CBY1: variants seen among roughly 807,000 people sequenced by gnomAD.
CBY1 encodes the protein chibby 1, beta catenin antagonist, also known as protein chibby homolog 1.
Under a neutral mutation model 15.6 loss-of-function variants are expected in CBY1, and 10 were observed. The ratio of observed to expected loss-of-function variants is 0.64; its 90% CI spans 0.40 to 1.09. The LOEUF is 1.09. CBY1 is among the 50% of genes least tolerant of loss of function. CBY1 has a pLI of 0.01. For missense variants in CBY1, 150 were observed against 160.5 expected (o/e 0.93, Z 0.35); for synonymous variants, 61 against 63.5 (o/e 0.96, Z 0.19).
Position 38,672,621 on chromosome 22 carries a change from G to GT in CBY1, c.304-529dup, listed in dbSNP as rs200268940. ...ATGAGCCACCACGCCCGGCCTGGAT[G>GT]TTTTTTTTTAAAAATGAGCATAATC... On this transcript the variant is annotated intron_variant, in intron 4 of 4. Transcript: ENST00000216029. Among the ~76,000 whole-genome samples, 1,469 of 151,564 alleles carry GT rather than the reference G, an allele frequency of 9.7e-3. 31 individuals are homozygous for GT. The highest frequency in any genetic ancestry group is 0.034 in the African/African-American group (1,416 of 41,314).
intron 2 of CBY1, chr22:38,668,835 G>C (rs545992320): frequency 6.6e-6 from 1 of 152,530 alleles, no homozygotes; most frequent in Non-Finnish European, 1.5e-5. Context: ...GTTGTCTCCT[G>C]TTCCCAGTGA....
At chr22:38,666,142 AG>A (rs1349752334) in intron 1 of CBY1, among the ~76,000 whole-genome samples, 1 of 149,292 alleles carries the variant, frequency 6.7e-6, no homozygotes, top group Non-Finnish European at 1.5e-5. Context: ...CTGGCCCTGG[AG>A]GGTGGTTATA....
Position 38,671,140 on chromosome 22 carries a change from G to A in CBY1, c.255G>A (p.Glu85=). The A allele has an allele frequency of 1.9e-6, 3 of 1,614,214 alleles. No individual in the cohort carries two copies. The highest frequency in any genetic ancestry group is 1.7e-5 in the Admixed American group (1 of 60,020). The change falls in exon 4 of 5, where the codon GAG becomes GAA. Residue 85 remains glutamate (E), a synonymous_variant. Coordinates refer to ENST00000216029, the MANE Select transcript of CBY1 (RefSeq NM_015373.4). ...TTCGCAGGCGGAACCAGCAGTTGGA[G>A]GAAGAGAACAATCTCTTGCGGCTGA... ...QRLRRRNQQL[E]EENNLLRLKV...
intron 4 of CBY1, 137 bp from the exon 5 acceptor site, chr22:38,673,022 A>C: frequency 1.6e-6 from 1 of 610,950 alleles, no homozygotes; most frequent in South Asian, 1.7e-5. Flanking sequence ...CCAGTTACAG[A>C]GGGTTTCCCA....
At chr22:38,656,847 T>G (rs2092398375) in intron 1 of CBY1, 97 bp downstream of exon 1, 1 of 152,092 alleles carries the variant, frequency 6.6e-6, no homozygotes, top group Non-Finnish European at 1.5e-5. Flanking sequence ...GGAGAGAGGC[T>G]TCAGGAGGGC....
rs1440530453 is a variant in CBY1, at chr22:38,673,185, C to T, written c.330C>T (p.His110=). The T allele has an allele frequency of 5.3e-5, 85 of 1,612,488 alleles. No homozygotes were observed. Among genetic ancestry groups the T allele is most frequent in the Non-Finnish European group, 7.1e-5 (84 of 1,178,734 alleles). Residue 110 remains histidine (H), a synonymous_variant, in exon 5 of 5, where the codon CAC becomes CAT. Coordinates refer to ENST00000216029, the MANE Select transcript of CBY1 (RefSeq NM_015373.4). The part of the protein sequence containing the change: ...DMLSESTAES[H]LMEKELDELR... The stretch of plus-strand genomic sequence containing the variant: ...TTTCAGAGTCCACTGCTGAATCCCA[C>T]TTAATGGAGAAGGAACTGGATGAAC...
At chr22:38,673,104 C>A in intron 4 of CBY1, 55 bp from the exon 5 acceptor site, 2 of 1,346,556 alleles carry the variant, frequency 1.5e-6, no homozygotes, top group South Asian at 1.2e-5. Flanking sequence ...CCTTGCTAAC[C>A]CGAAACATTT....
rs556327647 is a variant in CBY1, at chr22:38,670,876, G to A, written c.79-8G>A. The A allele has an allele frequency of 9.5e-5, 153 of 1,608,776 alleles. 1 individual carries two copies. In the South Asian group the frequency reaches 1.5e-3, roughly 16 times the overall value. ...TGCTGAAGTTGTCACATAGCATCTC[G>A]CCCACAGTTGGATCGATCAACCCGG... On this transcript the variant is annotated splice_region_variant and splice_polypyrimidine_tract_variant and intron_variant, in intron 2 of 4. Transcript: ENST00000216029.
At chr22:38,663,819 C>T (rs2092428830) in intron 1 of CBY1, among the ~76,000 whole-genome samples, 1 of 150,920 alleles carries the variant, frequency 6.6e-6, no homozygotes, top group African/African-American at 2.4e-5. Context: ...GTCAGGAGTT[C>T]GAGACCAGCC....
chr22:38,660,059 T>C (rs897691005), intron 1 of CBY1, among the ~76,000 whole-genome samples: 1 of 152,142 alleles, frequency 6.6e-6, no homozygotes, highest in South Asian at 2.1e-4. Context: ...TTGCCAAGTT[T>C]TGAGTGCCCT....
At chr22:38,666,276 T>TG (rs2145783483) in intron 1 of CBY1, among the ~76,000 whole-genome samples, 1 of 145,690 alleles carries the variant, frequency 6.9e-6, no homozygotes, top group East Asian at 2.0e-4. Context: ...AGACGGGCCC[T>TG]GCTAAGTTGC....
intron 1 of CBY1, among the ~76,000 whole-genome samples, chr22:38,665,095 T>A (rs1204094498): frequency 6.6e-6 from 1 of 152,180 alleles, no homozygotes. Flanking sequence ...CCTCCTGTCT[T>A]GGCCTCCCAA....
chr22:38,663,325 C>T (rs2092426879), intron 1 of CBY1, among the ~76,000 whole-genome samples: 1 of 151,634 alleles, frequency 6.6e-6, no homozygotes, highest in South Asian at 2.1e-4. Context: ...TGTGGTGGTG[C>T]GTGCCTATAG....
intron 1 of CBY1, among the ~76,000 whole-genome samples, chr22:38,662,135 C>G (rs2145779700): frequency 6.6e-6 from 1 of 152,172 alleles, no homozygotes; most frequent in South Asian, 2.1e-4. Context: ...AACCCCGTCT[C>G]TACAAAAGAC....
intron 1 of CBY1, among the ~76,000 whole-genome samples, chr22:38,662,952 T>C (rs1366895024): frequency 6.6e-6 from 1 of 151,964 alleles, no homozygotes. Flanking sequence ...AAACACCATC[T>C]CTGCTAAAAG....
chr22:38,657,362 C>T (rs2092402600), intron 1 of CBY1, among the ~76,000 whole-genome samples: 1 of 152,120 alleles, frequency 6.6e-6, no homozygotes, highest in African/African-American at 2.4e-5. Flanking sequence ...AGAAAGAAGC[C>T]GAAGTCCAAG....
rs374657298 is a variant in CBY1, at chr22:38,667,014, AT to A, written c.-38-990del. On this transcript the variant is annotated intron_variant, in intron 1 of 4. Coordinates refer to ENST00000216029, the MANE Select transcript of CBY1 (RefSeq NM_015373.4). ...ACCGTGCCCAGCCATTTCTTTCTTT[AT>A]TTTTTTTTTTTTAGAGACAGGGTAA... Among the ~76,000 whole-genome samples, 844 of 101,144 alleles carry A rather than the reference AT, an allele frequency of 8.3e-3. 4 individuals are homozygous for A. Among genetic ancestry groups the A allele is most frequent in the Non-Finnish European group, 0.012 (559 of 46,354 alleles). The allele number at this position is 101,144 out of a possible 152,430, so 66.4% of individuals were successfully genotyped here.
At chr22:38,671,385 A>C in intron 4 of CBY1, 197 bp downstream of exon 4, 1 of 580,800 alleles carries the variant, frequency 1.7e-6, no homozygotes, top group Non-Finnish European at 3.1e-6. Flanking sequence ...CGTAAGCATA[A>C]TTACATAAGG....
intron 1 of CBY1, chr22:38,657,052 A>G (rs1378262976): frequency 3.6e-6 from 3 of 839,894 alleles, no homozygotes; most frequent in Non-Finnish European, 4.3e-6. Flanking sequence ...CATCTGCGTA[A>G]CATGGCTACC....
Sources: gnomAD v4.1 joint callset for allele counts (sites outside exome capture counted in the v4.1 genomes callset) on GRCh38, gnomAD v4.1.1 for gene constraint, MANE v1.5 for transcripts, NCBI Gene and HGNC (gene_info 2026-07-23, HGNC 2026-07-21) for gene names.